TRIP12: variants seen among roughly 807,000 people sequenced by gnomAD.
TRIP12 encodes the protein thyroid hormone receptor interactor 12.
TRIP12 carries 25 observed loss-of-function variants against 244.2 expected under a neutral mutation model. That is an observed-to-expected ratio of 0.10 (90% CI 0.07 to 0.14). The LOEUF (loss-of-function observed/expected upper bound fraction) is 0.14. Among genes scored for constraint, TRIP12 ranks in the 10% least tolerant of loss-of-function variants. The probability of loss-of-function intolerance (pLI) is 1.00; values close to 1 mark genes in which losing one functional copy is unlikely to be tolerated. For missense variants in TRIP12, 1,677 were observed against 2,486.4 expected, an observed-to-expected ratio of 0.67 and a Z score of 6.92; for synonymous variants, 905 against 873.1, an observed-to-expected ratio of 1.04 and a Z score of -0.64.
At chr2:229,772,392 G>T (rs1159718496) in intron 38 of TRIP12, among the ~76,000 whole-genome samples, 1 of 152,206 alleles carries the variant, frequency 6.6e-6, no homozygotes, top group Non-Finnish European at 1.5e-5. Flanking sequence ...AACAGGATAA[G>T]AAGACAGTCC....
chr2:229,789,351 C>G (rs1013269009), intron 31 of TRIP12, among the ~76,000 whole-genome samples: 2 of 152,174 alleles, frequency 1.3e-5, no homozygotes, highest in Admixed American at 1.3e-4. Context: ...TATAATAAAT[C>G]CATGTTCAAG....
At chr2:229,831,169 C>T (rs1559708551) in intron 6 of TRIP12, 4 of 710,842 alleles carry the variant, frequency 5.6e-6, no homozygotes, top group Non-Finnish European at 1.0e-5. Flanking sequence ...AAAGAACATA[C>T]TGCTGTAACA....
In TRIP12 at chr2:229,811,214, T is replaced by A. The variant is rs764906249; in HGVS notation, c.1987-10A>T. The A allele has an allele frequency of 1.4e-5, 22 of 1,610,174 alleles. 1 individual carries two copies. The South Asian group carries it at 2.1e-4, about 15-fold the overall frequency. On this transcript the variant is annotated splice_polypyrimidine_tract_variant and intron_variant, in intron 13 of 41. Coordinates refer to ENST00000675903, the MANE Select transcript of TRIP12 (RefSeq NM_001348323.3). ...CTACTGACTTTTTATCCTATTTTTT[T>A]AATAAAGGAAAATAAAATTTATTAG...
At chr2:229,827,812 G>T (rs1030047106) in intron 8 of TRIP12, among the ~76,000 whole-genome samples, 1 of 152,058 alleles carries the variant, frequency 6.6e-6, no homozygotes, top group Non-Finnish European at 1.5e-5. Flanking sequence ...TTAAAATATT[G>T]TAAGATTTTT....
Position 229,796,651 on chromosome 2 carries a change from C to G in TRIP12, c.3756G>C (p.Lys1252Asn). ...ATCTGATCTCTCTGCTCACAGCATC[C>G]TTTTCACTTTTAGATGTCAAATAAA... Reference protein sequence around the residue: ...LLLYLTSKSEKDAVSREIRLK... With the variant: ...LLLYLTSKSENDAVSREIRLK... Residue 1252 changes from lysine to asparagine, a missense_variant, in exon 25 of 42, where the codon AAG becomes AAC. Physicochemically the swap from Lys to Asn is moderately conservative, Grantham distance 94. Coordinates refer to ENST00000675903, the MANE Select transcript of TRIP12 (RefSeq NM_001348323.3). The G allele has an allele frequency of 6.2e-7, 1 of 1,612,220 alleles. No homozygotes were observed. Among genetic ancestry groups the G allele is most frequent in the Non-Finnish European group, 8.5e-7 (1 of 1,179,608 alleles).
Position 229,778,803 on chromosome 2 carries a change from T to A in TRIP12, c.5209+73A>T, listed in dbSNP as rs774242000. 91 of 1,428,210 alleles carry A rather than the reference T, an allele frequency of 6.4e-5. No homozygotes were observed. Among genetic ancestry groups the A allele is most frequent in the Non-Finnish European group, 8.6e-5 (88 of 1,025,822 alleles). The allele number at this position is 1,428,210 out of a possible 1,614,324, so 88.5% of individuals were successfully genotyped here. A position where few individuals can be genotyped will look rare whatever the true frequency, so the allele number is the denominator to read the frequency against. The stretch of plus-strand genomic sequence containing the variant: ...ACAGCTGTCCATTAGAAATTAAATA[T>A]GTCTAATAAACTGTCAGAGTCCATT... On this transcript the variant is annotated intron_variant, in intron 35 of 41. Coordinates refer to ENST00000675903, the MANE Select transcript of TRIP12 (RefSeq NM_001348323.3). This position sits in a 1 kb window ranked among gnomAD's most constrained non-coding sequence, Gnocchi z 4.1.
intron 5 of TRIP12, among the ~76,000 whole-genome samples, chr2:229,838,495 A>G (rs1436587352): frequency 2.0e-5 from 3 of 152,234 alleles, no homozygotes; most frequent in Non-Finnish European, 4.4e-5. Flanking sequence ...TGCGCACAGC[A>G]TGATCATGCC....
intron 23 of TRIP12, 61 bp from the exon 24 acceptor site, chr2:229,797,892 G>C (rs2043206803): frequency 2.0e-6 from 3 of 1,523,284 alleles, no homozygotes; most frequent in Non-Finnish European, 8.9e-7. Flanking sequence ...TATAACTTCT[G>C]ATCAAGGCAA....
At chr2:229,846,014 CAA>C (rs34840494) in intron 4 of TRIP12, among the ~76,000 whole-genome samples, 107 of 117,502 alleles carry the variant, frequency 9.1e-4, no homozygotes, top group Non-Finnish European at 1.0e-3. Flanking sequence ...CTCTTTTTTT[CAA>C]AAAAAAAAAA....
Position 229,864,047 on chromosome 2 carries a change from A to AGAGAGAGAGTGTGAGTGT in TRIP12, c.99-3517_99-3516insACACTCACACTCTCTCTC. Among the ~76,000 whole-genome samples, 5 of 79,320 alleles carry AGAGAGAGAGTGTGAGTGT rather than the reference A, an allele frequency of 6.3e-5. No individual in the cohort carries two copies. The East Asian group carries it at 1.7e-3, about 28-fold the overall frequency. 52.0% of individuals were successfully genotyped at this position (79,320 alleles called of 152,430 possible). A position where few individuals can be genotyped will look rare whatever the true frequency, so the allele number is the denominator to read the frequency against. On this transcript the variant is annotated intron_variant, in intron 2 of 41. Transcript: ENST00000675903. ...GAGAGAGAGAGAGAGAGAGAGAGAGAGTGTGTGTGTGTGTGTGTGTGTGTG... is the reference window on the plus strand; with the variant it reads ...GAGAGAGAGAGAGAGAGAGAGAGAGAGAGAGAGAGTGTGAGTGTGTGTGTGTGTGTGTGTGTGTGTGTG...
chr2:229,815,856 C>G (rs182342721), intron 9 of TRIP12, among the ~76,000 whole-genome samples: 1 of 152,170 alleles, frequency 6.6e-6, no homozygotes, highest in East Asian at 1.9e-4. Context: ...TAATTATGCA[C>G]TAATTAAAGC....
chr2:229,765,542 C>T lies in TRIP12; in HGVS notation c.*2012G>A, dbSNP rs1469355927. On this transcript the variant is annotated 3_prime_UTR_variant, in exon 42 of 42. Coordinates refer to ENST00000675903, the MANE Select transcript of TRIP12 (RefSeq NM_001348323.3). Reference sequence around the variant, plus strand: ...AATCATCATATATACTTATTAGATGCTGGAATCAATGAGGCCAAATTTGCC... The same window carrying T: ...AATCATCATATATACTTATTAGATGTTGGAATCAATGAGGCCAAATTTGCC... The T allele has an allele frequency of 6.6e-6, 1 of 152,136 alleles. No homozygotes were observed. Among genetic ancestry groups the T allele is most frequent in the Non-Finnish European group, 1.5e-5 (1 of 68,014 alleles). 9.4% of individuals were successfully genotyped at this position (152,136 alleles called of 1,614,324 possible).
intron 4 of TRIP12, among the ~76,000 whole-genome samples, chr2:229,845,678 A>G (rs549854138): frequency 2.0e-5 from 3 of 152,184 alleles, no homozygotes; most frequent in Non-Finnish European, 4.4e-5. Context: ...AAAAATTGCT[A>G]CAAGTCATTT....
chr2:229,861,354 A>C (rs1046409933), intron 2 of TRIP12, among the ~76,000 whole-genome samples: 1 of 152,224 alleles, frequency 6.6e-6, no homozygotes, highest in Non-Finnish European at 1.5e-5. Flanking sequence ...TGAGATTTAC[A>C]TAAGCAATAA....
At chr2:229,850,728 G>A (rs371653129) in intron 4 of TRIP12, among the ~76,000 whole-genome samples, 2 of 152,246 alleles carry the variant, frequency 1.3e-5, no homozygotes, top group African/African-American at 2.4e-5. Flanking sequence ...GGAGAGGCGC[G>A]AGTGGGAACG....
chr2:229,891,376 G>A (rs1357254814), intron 1 of TRIP12, among the ~76,000 whole-genome samples: 2 of 152,132 alleles, frequency 1.3e-5, no homozygotes, highest in Non-Finnish European at 2.9e-5. Context: ...AGTAAGCTGA[G>A]ATCATGCCAC....
intron 1 of TRIP12, among the ~76,000 whole-genome samples, chr2:229,904,476 T>C (rs1304557309): frequency 1.3e-5 from 2 of 150,766 alleles, no homozygotes; most frequent in Non-Finnish European, 3.0e-5. Context: ...TTAACAATTA[T>C]GGTTAAGTAA....
In TRIP12 at chr2:229,813,891, T is replaced by G; in HGVS notation, c.1965A>C (p.Leu655=). The change falls in exon 13 of 42, where the codon CTA becomes CTC. Residue 655 remains leucine (L), a synonymous_variant. Coordinates refer to ENST00000675903, the MANE Select transcript of TRIP12 (RefSeq NM_001348323.3). ...FHFVADSLPL[L]TQRLTHQDKK... is the part of the protein sequence containing the mutation. ...TTACCTGATGTGTTAGCCTTTGGGT[T>G]AGCAATGGGAGTGAATCTGCCACAA... is the stretch of plus-strand genomic sequence containing the variant. 1 of 1,562,496 alleles carries G rather than the reference T, an allele frequency of 6.4e-7. No individual in the cohort carries two copies. Among genetic ancestry groups the G allele is most frequent in the Middle Eastern group, 1.7e-4 (1 of 5,866 alleles).
Position 229,814,002 on chromosome 2 carries a change from T to C in TRIP12, c.1854A>G (p.Leu618=). ...AGGLADCLLY[L]EFFSINAQRN... is the part of the protein sequence containing the mutation. ...TTTGGGCATTTATGCTGAAGAATTC[T>C]AGGTACAGCAAGCAGTCTGCCAAAC... The change falls in exon 13 of 42, where the codon CTA becomes CTG. Residue 618 remains leucine (L), a synonymous_variant. Transcript: ENST00000675903. 6.3e-7 allele frequency: 1 copy of C among 1,584,750 alleles called. No individual in the cohort carries two copies. Among genetic ancestry groups the C allele is most frequent in the South Asian group, 1.1e-5 (1 of 88,966 alleles).
Sources: allele counts gnomAD v4.1 joint callset (sites outside exome capture counted in the v4.1 genomes callset), GRCh38; gene constraint gnomAD v4.1.1; non-coding constraint Gnocchi (gnomAD v3.1); transcripts MANE v1.5; gene names NCBI Gene and HGNC (gene_info 2026-07-23, HGNC 2026-07-21).